Variants in SMOC1 observed in about 807,000 individuals in gnomAD.
The protein encoded by SMOC1 is SPARC related modular calcium binding 1.
In SMOC1, 22 loss-of-function variants were observed where a neutral mutation model predicts 56.3. The observed-to-expected ratio is 0.39, with a 90% CI of 0.28 to 0.56. The LOEUF (loss-of-function observed/expected upper bound fraction) is 0.56, where lower values mean the gene tolerates loss of function less well. Ranked by LOEUF, SMOC1 falls within the 20% of genes least tolerant of loss-of-function variation. SMOC1 has a pLI of 0.61. For missense variants in SMOC1, 509 were observed against 565.4 expected (o/e 0.90, Z 1.01); for synonymous variants, 193 against 215.0 (o/e 0.90, Z 0.89).
At chr14:70,002,310 G>A (rs1594849266) in intron 7 of SMOC1, among the ~76,000 whole-genome samples, 1 of 152,224 alleles carries the variant, frequency 6.6e-6, no homozygotes, top group African/African-American at 2.4e-5. Flanking sequence ...AAAAACCCAT[G>A]CCAACAGAAG....
intron 1 of SMOC1, among the ~76,000 whole-genome samples, chr14:69,894,012 C>T (rs1884031724): frequency 6.6e-6 from 1 of 152,100 alleles, no homozygotes; most frequent in Non-Finnish European, 1.5e-5. Flanking sequence ...GAGAGGAGAC[C>T]AACCCTGCCA....
At chr14:70,006,980 C>T (rs369545556) in intron 7 of SMOC1, among the ~76,000 whole-genome samples, 8 of 152,184 alleles carry the variant, frequency 5.3e-5, no homozygotes, top group Non-Finnish European at 1.0e-4. Context: ...CCAGAGTCCA[C>T]GTGGAGGGGT....
rs530236539 is a variant in SMOC1, at chr14:70,009,473, G to A, written c.665-1281G>A. Among the ~76,000 whole-genome samples, 27 of 152,318 alleles carry A rather than the reference G, an allele frequency of 1.8e-4. No homozygotes were observed. In the South Asian group the frequency reaches 5.4e-3, roughly 30 times the overall value. On this transcript the variant is annotated intron_variant, in intron 7 of 11. Transcript: ENST00000361956. ...GTTGGCTTCTTTAAAGTGGAGTTGA[G>A]TGCTGTTGTTCAGTGCACAACATGG...
rs1019340820 is a variant in SMOC1, at chr14:69,886,254, T to G, written c.99+6477T>G. On this transcript the variant is annotated intron_variant, in intron 1 of 11. Coordinates refer to ENST00000361956, the MANE Select transcript of SMOC1 (RefSeq NM_001034852.3). The stretch of plus-strand genomic sequence containing the variant: ...GCATCTTAATATCAGGCCAGCATCT[T>G]CCTCTTCTTTGCACCAAGTTGGCCC... 3.8e-5 allele frequency: 24 copies of G among 630,836 alleles called. 2 individuals are homozygous for G. The highest frequency in any genetic ancestry group is 3.6e-5 in the Non-Finnish European group (13 of 362,446). The allele number at this position is 630,836 out of a possible 1,614,324, so 39.1% of individuals were successfully genotyped here. A position where few individuals can be genotyped will look rare whatever the true frequency, so the allele number is the denominator to read the frequency against.
chr14:69,938,785 A>G (rs1882434963), intron 1 of SMOC1, among the ~76,000 whole-genome samples: 1 of 152,204 alleles, frequency 6.6e-6, no homozygotes, highest in East Asian at 1.9e-4. Context: ...CTGGTGATGC[A>G]GAGCAGATCC....
At chr14:69,931,172 T>A (rs1885155318) in intron 1 of SMOC1, among the ~76,000 whole-genome samples, 1 of 152,200 alleles carries the variant, frequency 6.6e-6, no homozygotes, top group African/African-American at 2.4e-5. Flanking sequence ...CACACAGACA[T>A]CTGGCAGCAG....
chr14:69,968,929 C>T (rs1317328431), intron 3 of SMOC1, among the ~76,000 whole-genome samples: 1 of 152,178 alleles, frequency 6.6e-6, no homozygotes, highest in Non-Finnish European at 1.5e-5. Flanking sequence ...GGTGAGAAGG[C>T]ACTGTGCCTT....
intron 1 of SMOC1, 38 bp downstream of exon 1, chr14:69,879,815 G>A (rs1883585147): frequency 6.5e-7 from 1 of 1,531,876 alleles, no homozygotes; most frequent in Non-Finnish European, 8.8e-7. Context: ...CCTGCGGAGG[G>A]AGGGGAGGTT....
Position 70,023,227 on chromosome 14 carries a change from C to T in SMOC1, c.1071C>T (p.His357=). 6.2e-7 allele frequency: 1 copy of T among 1,614,174 alleles called. No homozygotes were observed. The highest frequency in any genetic ancestry group is 8.5e-7 in the Non-Finnish European group (1 of 1,180,024). ...GGTTCTCAGAGCCAGACCCCAGCCA[C>T]ACCCTGGAGGAGCGGGTAGTGCACT... ...GGRFSEPDPS[H]TLEERVVHWY... The change falls in exon 11 of 12, where the codon CAC becomes CAT. Residue 357 remains histidine, a synonymous_variant. Transcript: ENST00000361956.
chr14:69,953,565 C>G (rs1433112557), intron 3 of SMOC1, 33 bp downstream of exon 3: 2 of 1,585,978 alleles, frequency 1.3e-6, no homozygotes, highest in Admixed American at 1.7e-5. Context: ...TGGGCTCTTT[C>G]CTGGACCGAG....
At chr14:69,908,792 G>A (rs573714809) in intron 1 of SMOC1, among the ~76,000 whole-genome samples, 8 of 152,222 alleles carry the variant, frequency 5.3e-5, no homozygotes, top group African/African-American at 1.7e-4. Flanking sequence ...TAGGACTTGG[G>A]GCAGGCTGGG....
At chr14:69,924,997 GGGGAGGT>G in intron 1 of SMOC1, among the ~76,000 whole-genome samples, 1 of 34,480 alleles carries the variant, frequency 2.9e-5, no homozygotes, top group Non-Finnish European at 6.1e-5. Flanking sequence ...AGGGGAGGTA[GGGGAGGT>G]AGGGGAGGTA....
chr14:69,903,346 C>G (rs942949980), intron 1 of SMOC1, among the ~76,000 whole-genome samples: 2 of 151,920 alleles, frequency 1.3e-5, no homozygotes, highest in Non-Finnish European at 2.9e-5. Context: ...GCCCGGCAGC[C>G]GCTCCGTCTG....
At chr14:69,984,508 A>G (rs1310019441) in intron 5 of SMOC1, among the ~76,000 whole-genome samples, 11 of 152,182 alleles carry the variant, frequency 7.2e-5, no homozygotes, top group African/African-American at 2.4e-4. Context: ...TCTAGAGAAT[A>G]TAAACAACTC....
At chr14:69,893,945 T>C (rs1375775262) in intron 1 of SMOC1, among the ~76,000 whole-genome samples, 1 of 152,180 alleles carries the variant, frequency 6.6e-6, no homozygotes, top group Non-Finnish European at 1.5e-5. Context: ...AGGGACATGA[T>C]TGCCATGTGA....
intron 1 of SMOC1, among the ~76,000 whole-genome samples, chr14:69,917,735 A>G (rs113845102): frequency 0.013 from 2,046 of 152,296 alleles, 14 homozygotes; most frequent in Middle Eastern, 0.061. Flanking sequence ...ATTGTTTTTC[A>G]GGTTTCTATA....
At chr14:69,938,163 A>T (rs943133597) in intron 1 of SMOC1, among the ~76,000 whole-genome samples, 1 of 152,184 alleles carries the variant, frequency 6.6e-6, no homozygotes, top group African/African-American at 2.4e-5. Context: ...ATTTTCCTTC[A>T]TGATAATCCT....
intron 1 of SMOC1, among the ~76,000 whole-genome samples, chr14:69,903,642 T>C (rs1884326158): frequency 6.6e-6 from 1 of 152,160 alleles, no homozygotes; most frequent in Non-Finnish European, 1.5e-5. Flanking sequence ...CTGTGTCCAG[T>C]CAGGGTTAAA....
intron 5 of SMOC1, among the ~76,000 whole-genome samples, chr14:69,979,592 G>T (rs1025670598): frequency 6.6e-6 from 1 of 150,764 alleles, no homozygotes; most frequent in African/African-American, 2.4e-5. Flanking sequence ...TTTCTATTGC[G>T]TGTGTGTGTG....
Sources: gnomAD v4.1 joint callset for allele counts (sites outside exome capture counted in the v4.1 genomes callset) on GRCh38, gnomAD v4.1.1 for gene constraint, MANE v1.5 for transcripts, NCBI Gene and HGNC (gene_info 2026-07-23, HGNC 2026-07-21) for gene names.